Variants in PATJ observed in about 807,000 individuals in gnomAD.
PATJ encodes inaD-like protein.
In PATJ, 190 loss-of-function variants were observed where a neutral mutation model predicts 224.9. The observed-to-expected ratio is 0.84, with a 90% confidence interval of 0.75 to 0.95. PATJ has a LOEUF of 0.95. Among genes scored for constraint, PATJ ranks in the 40% least tolerant of loss-of-function variants. The pLI, the probability that PATJ is intolerant of heterozygous loss-of-function variation, is 0.00. For missense variants in PATJ, 2,121 were observed against 2,270.3 expected (o/e 0.93, Z 1.34); for synonymous variants, 769 against 820.3 (o/e 0.94, Z 1.07).
intron 8 of PATJ, among the ~76,000 whole-genome samples, chr1:61,789,428 A>T (rs939672466): frequency 6.6e-6 from 1 of 152,134 alleles, no homozygotes; most frequent in African/African-American, 2.4e-5. Context: ...ATCACCTGAG[A>T]TGTCATTCTG....
intron 15 of PATJ, among the ~76,000 whole-genome samples, chr1:61,827,158 A>G (rs1368251532): frequency 1.1e-4 from 16 of 152,188 alleles, no homozygotes; most frequent in African/African-American, 3.6e-4. Context: ...CTTACCCAGT[A>G]AGGGCGTATG....
intron 14 of PATJ, among the ~76,000 whole-genome samples, chr1:61,820,080 C>T (rs1291959089): frequency 1.3e-5 from 2 of 152,080 alleles, no homozygotes; most frequent in Non-Finnish European, 2.9e-5. Context: ...CTCGCTCTGT[C>T]GCCCAGGCTG....
intron 22 of PATJ, among the ~76,000 whole-genome samples, chr1:61,896,962 AAC>A (rs1245983360): frequency 6.6e-6 from 1 of 152,208 alleles, no homozygotes; most frequent in East Asian, 1.9e-4. Context: ...GTATCTTTAT[AAC>A]AGTGTGAAAA....
intron 30 of PATJ, among the ~76,000 whole-genome samples, chr1:62,048,104 G>A (rs905970950): frequency 5.3e-5 from 8 of 152,164 alleles, no homozygotes; most frequent in African/African-American, 1.4e-4. Flanking sequence ...GATTTAAAAT[G>A]TATCATTATC....
chr1:61,944,303 A>C (rs1184943490), intron 27 of PATJ, among the ~76,000 whole-genome samples: 1 of 152,246 alleles, frequency 6.6e-6, no homozygotes, highest in Non-Finnish European at 1.5e-5. Flanking sequence ...GTTTGAACCA[A>C]TTGCAAAGAA....
At chr1:62,138,330 CAG>C (rs1194940128) in intron 41 of PATJ, among the ~76,000 whole-genome samples, 2 of 152,026 alleles carry the variant, frequency 1.3e-5, no homozygotes, top group Non-Finnish European at 2.9e-5. Context: ...TTGTTTGAGA[CAG>C]AGTCTCACTC....
At chr1:61,961,654 G>T (rs1681298701) in intron 27 of PATJ, among the ~76,000 whole-genome samples, 1 of 152,114 alleles carries the variant, frequency 6.6e-6, no homozygotes, top group Admixed American at 6.6e-5. Flanking sequence ...GTGGAAAAAT[G>T]ATATAAAGCA....
intron 31 of PATJ, among the ~76,000 whole-genome samples, chr1:62,069,228 G>A (rs1217274534): frequency 6.6e-6 from 1 of 152,174 alleles, no homozygotes; most frequent in Non-Finnish European, 1.5e-5. Context: ...TTCCCTGAAG[G>A]TTTACTCAGT....
chr1:62,091,887 C>T (rs967187530), intron 33 of PATJ, among the ~76,000 whole-genome samples: 1 of 151,904 alleles, frequency 6.6e-6, no homozygotes, highest in Admixed American at 6.6e-5. Context: ...AAAACCCTGT[C>T]TCTACTAAAA....
intron 39 of PATJ, among the ~76,000 whole-genome samples, chr1:62,124,463 A>G (rs1665464343): frequency 1.3e-5 from 2 of 152,338 alleles, no homozygotes; most frequent in East Asian, 1.9e-4. Flanking sequence ...AATCATGGTA[A>G]TCCACTGCAG....
intron 31 of PATJ, among the ~76,000 whole-genome samples, chr1:62,057,678 G>A (rs1404407071): frequency 6.6e-6 from 1 of 152,240 alleles, no homozygotes; most frequent in Non-Finnish European, 1.5e-5. Context: ...TTCACAGAGA[G>A]TTGTCAGTAA....
At chr1:61,895,890 A>G (rs966942964) in intron 22 of PATJ, among the ~76,000 whole-genome samples, 1 of 152,156 alleles carries the variant, frequency 6.6e-6, no homozygotes, top group Non-Finnish European at 1.5e-5. Context: ...TGGGGGCTGT[A>G]CCTTGCAGAG....
At chr1:61,918,724 A>G (rs986176749) in intron 26 of PATJ, among the ~76,000 whole-genome samples, 13 of 152,122 alleles carry the variant, frequency 8.5e-5, no homozygotes, top group Non-Finnish European at 1.6e-4. Context: ...GAACTTTAGG[A>G]GGCCTAAGTA....
chr1:62,038,072 CT>C, intron 30 of PATJ, 23 bp downstream of exon 30: 1 of 1,434,702 alleles, frequency 7.0e-7, no homozygotes, highest in Non-Finnish European at 9.7e-7. Context: ...CTAATTAGCT[CT>C]TAGTATATTA....
In PATJ at chr1:61,769,266, T is replaced by TA. The variant is rs771267479; in HGVS notation, c.385-15dup. The TA allele has an allele frequency of 4.4e-5, 70 of 1,593,400 alleles. No individual in the cohort carries two copies. In the African/African-American group the frequency reaches 8.7e-4, roughly 20 times the overall value. The stretch of plus-strand genomic sequence containing the variant: ...AATGTACACCATTGACTTTTTTTTT[T>TA]AACGCTCCTTCATTAGGGCCGGCAA... On this transcript the variant is annotated splice_polypyrimidine_tract_variant and intron_variant, in intron 4 of 43. Transcript: ENST00000642238.
intron 10 of PATJ, 56 bp from the exon 11 acceptor site, chr1:61,797,231 G>T (rs1651520880): frequency 2.6e-6 from 4 of 1,562,502 alleles, no homozygotes; most frequent in Non-Finnish European, 3.5e-6. Context: ...TGTTGCCAGA[G>T]CTAAAAATAG....
intron 14 of PATJ, among the ~76,000 whole-genome samples, chr1:61,820,277 A>G (rs2148707669): frequency 6.6e-6 from 1 of 152,254 alleles, no homozygotes; most frequent in South Asian, 2.1e-4. Context: ...ACCTCAGGCA[A>G]TCCACCCACA....
chr1:61,894,282 AC>A (rs1434991454), intron 22 of PATJ, among the ~76,000 whole-genome samples: 69 of 151,968 alleles, frequency 4.5e-4, no homozygotes, highest in African/African-American at 1.5e-3. Flanking sequence ...CAAAAAAAAA[AC>A]AGAGAATTCT....
intron 27 of PATJ, among the ~76,000 whole-genome samples, chr1:61,989,845 A>G (rs1644963523): frequency 6.6e-6 from 1 of 152,202 alleles, no homozygotes; most frequent in Non-Finnish European, 1.5e-5. Flanking sequence ...ATCTAAGGCC[A>G]TGCATGACCT....
Sources: gnomAD v4.1 joint callset for allele counts (sites outside exome capture counted in the v4.1 genomes callset) on GRCh38, gnomAD v4.1.1 for gene constraint, MANE v1.5 for transcripts, NCBI Gene and HGNC (gene_info 2026-07-23, HGNC 2026-07-21) for gene names.